RIN2: variants seen among roughly 807,000 people sequenced by gnomAD.
RIN2 encodes the protein RAB5 interacting protein 2.
In RIN2, 36 loss-of-function variants were observed where a neutral mutation model predicts 78.0. The ratio of observed to expected loss-of-function variants is 0.46; its 90% confidence interval spans 0.35 to 0.61. The LOEUF is 0.61. RIN2 is among the 20% of genes least tolerant of loss of function. RIN2 has a pLI of 0.00. For missense variants in RIN2, 1,087 were observed against 1,159.7 expected (o/e 0.94, Z 0.91); for synonymous variants, 466 against 466.8 (o/e 1.00, Z 0.02).
At chr20:19,972,951 T>A (rs1158732650) in intron 8 of RIN2, among the ~76,000 whole-genome samples, 1 of 152,242 alleles carries the variant, frequency 6.6e-6, no homozygotes, top group African/African-American at 2.4e-5. Context: ...AATTTCTACA[T>A]GCAGCCAATA....
chr20:19,844,063 A>T (rs530623899), intron 2 of RIN2, among the ~76,000 whole-genome samples: 1 of 152,222 alleles, frequency 6.6e-6, no homozygotes, highest in Non-Finnish European at 1.5e-5. Flanking sequence ...ATGGTAAATC[A>T]TATTGAAATC....
intron 3 of RIN2, 72 bp downstream of exon 3, chr20:19,889,730 T>A: frequency 8.2e-7 from 1 of 1,213,162 alleles, no homozygotes; most frequent in Non-Finnish European, 1.1e-6. Context: ...CGGTGCTCCA[T>A]GGAGCTGCTG....
chr20:19,906,767 T>C (rs1261977797), intron 3 of RIN2, among the ~76,000 whole-genome samples: 1 of 152,212 alleles, frequency 6.6e-6, no homozygotes, highest in Non-Finnish European at 1.5e-5. Flanking sequence ...TATATTTAAA[T>C]GTTGAAACTA....
chr20:19,946,974 T>TGAGCC (rs2041121356), intron 4 of RIN2, among the ~76,000 whole-genome samples: 1 of 142,428 alleles, frequency 7.0e-6, no homozygotes. Flanking sequence ...GAGGTTGCAG[T>TGAGCC]GAGCCGAGAT....
chr20:19,878,824 G>A (rs1394474092), intron 2 of RIN2, among the ~76,000 whole-genome samples: 1 of 152,090 alleles, frequency 6.6e-6, no homozygotes, highest in Non-Finnish European at 1.5e-5. Flanking sequence ...CTATCATTAT[G>A]ACTCAAAGCA....
At chr20:19,891,306 G>T (rs888952759) in intron 3 of RIN2, among the ~76,000 whole-genome samples, 1 of 152,172 alleles carries the variant, frequency 6.6e-6, no homozygotes, top group African/African-American at 2.4e-5. Flanking sequence ...AGCCCACCAG[G>T]TTGCCCAATT....
At chr20:19,987,999 G>A (rs1284680918) in intron 9 of RIN2, among the ~76,000 whole-genome samples, 1 of 152,166 alleles carries the variant, frequency 6.6e-6, no homozygotes, top group African/African-American at 2.4e-5. Flanking sequence ...TTCATTGTTT[G>A]TACCTCTGCG....
chr20:19,852,399 A>G (rs2037010632), intron 2 of RIN2, among the ~76,000 whole-genome samples: 1 of 152,206 alleles, frequency 6.6e-6, no homozygotes, highest in Non-Finnish European at 1.5e-5. Context: ...ATCTTAGTAT[A>G]TTGCAGACTA....
intron 6 of RIN2, among the ~76,000 whole-genome samples, chr20:19,962,313 T>TAA (rs111625666): frequency 7.3e-4 from 100 of 137,254 alleles, no homozygotes; most frequent in African/African-American, 2.6e-3. Context: ...CCAAAAATAT[T>TAA]AAAAAAAAAA....
intron 4 of RIN2, chr20:19,935,528 G>A: frequency 9.3e-7 from 1 of 1,069,588 alleles, no homozygotes; most frequent in Non-Finnish European, 1.1e-6. Context: ...GTGCAAAGTA[G>A]AATTCAGTGT....
At chr20:19,784,563 T>G (rs1038156609) in intron 1 of RIN2, among the ~76,000 whole-genome samples, 9 of 152,106 alleles carry the variant, frequency 5.9e-5, no homozygotes, top group Admixed American at 5.2e-4. Context: ...TTAAAAAAAT[T>G]TACCCAAATC....
intron 2 of RIN2, among the ~76,000 whole-genome samples, chr20:19,857,613 G>A (rs906262353): frequency 1.3e-5 from 2 of 152,112 alleles, no homozygotes; most frequent in African/African-American, 4.8e-5. Flanking sequence ...AGTTCCAGTT[G>A]CTAACACTTG....
At chr20:19,911,283 C>A (rs951105818) in intron 3 of RIN2, among the ~76,000 whole-genome samples, 7 of 152,110 alleles carry the variant, frequency 4.6e-5, no homozygotes, top group African/African-American at 1.7e-4. Context: ...GAACTCCTGA[C>A]CTCAGATGAT....
chr20:19,989,776 G>A (rs2042736848), intron 9 of RIN2, among the ~76,000 whole-genome samples: 2 of 152,212 alleles, frequency 1.3e-5, no homozygotes, highest in Admixed American at 1.3e-4. Flanking sequence ...TTGATTATAT[G>A]CAAGTTAGAC....
intron 2 of RIN2, among the ~76,000 whole-genome samples, chr20:19,830,962 G>A (rs573772734): frequency 7.2e-5 from 11 of 152,296 alleles, no homozygotes; most frequent in Non-Finnish European, 1.0e-4. Context: ...CCATGTCCCC[G>A]TGTCCACTCC....
chr20:19,817,249 C>G (rs1221201415), intron 2 of RIN2, among the ~76,000 whole-genome samples: 1 of 152,190 alleles, frequency 6.6e-6, no homozygotes, highest in Non-Finnish European at 1.5e-5. Context: ...AAATGTACTG[C>G]TCACAGTTCC....
At chr20:19,801,402 T>C (rs186245473) in intron 2 of RIN2, among the ~76,000 whole-genome samples, 1,681 of 152,138 alleles carry the variant, frequency 0.011, 44 homozygotes, top group African/African-American at 0.038. Context: ...CTCACTGCAA[T>C]CTCTGCCTTT....
intron 2 of RIN2, among the ~76,000 whole-genome samples, chr20:19,812,294 T>A (rs6046337): frequency 0.12 from 18,679 of 152,194 alleles, 1,197 homozygotes; most frequent in East Asian, 0.19. Context: ...ACTACCCAAC[T>A]GTTTTCCGAA....
intron 3 of RIN2, among the ~76,000 whole-genome samples, chr20:19,921,994 C>A (rs535435015): frequency 3.3e-5 from 5 of 152,182 alleles, no homozygotes; most frequent in Non-Finnish European, 7.3e-5. Flanking sequence ...GCCTCCAGAA[C>A]AGCTGAGATT....
Sources: allele counts gnomAD v4.1 joint callset (sites outside exome capture counted in the v4.1 genomes callset), GRCh38; gene constraint gnomAD v4.1.1; transcripts MANE v1.5; gene names NCBI Gene and HGNC (gene_info 2026-07-23, HGNC 2026-07-21).